Variants in CAMSAP1 observed in about 807,000 individuals in gnomAD.
CAMSAP1 encodes the protein calmodulin-regulated spectrin-associated protein 1.
In CAMSAP1, 58 loss-of-function variants were observed where a neutral mutation model predicts 143.5. The ratio of observed to expected loss-of-function variants is 0.40; its 90% confidence interval spans 0.33 to 0.50. The LOEUF (loss-of-function observed/expected upper bound fraction) is 0.50, where lower values mean the gene tolerates loss of function less well. Ranked by LOEUF, CAMSAP1 falls within the 20% of genes least tolerant of loss-of-function variation. The probability of loss-of-function intolerance (pLI) is 0.45; values close to 1 mark genes in which losing one functional copy is unlikely to be tolerated. For missense variants in CAMSAP1, 1,969 were observed against 2,115.7 expected (o/e 0.93, Z 1.36); for synonymous variants, 945 against 859.3 (o/e 1.10, Z -1.74).
At chr9:135,833,029 AC>A (rs148854858) in intron 7 of CAMSAP1, among the ~76,000 whole-genome samples, 21,084 of 151,482 alleles carry the variant, frequency 0.14, 1,650 homozygotes, top group Non-Finnish European at 0.17. Context: ...AGAAAAACAA[AC>A]CTAAAATCTG....
At chr9:135,903,328 A>G (rs1168534740) in intron 1 of CAMSAP1, among the ~76,000 whole-genome samples, 1 of 152,256 alleles carries the variant, frequency 6.6e-6, no homozygotes, top group African/African-American at 2.4e-5. Flanking sequence ...TGTCCAATAC[A>G]TTATTTCTTT....
chr9:135,827,582 T>C lies in CAMSAP1; in HGVS notation c.1048A>G (p.Lys350Glu). 6.4e-7 allele frequency: 1 copy of C among 1,562,514 alleles called. No individual in the cohort carries two copies. Among genetic ancestry groups the C allele is most frequent in the South Asian group, 1.2e-5 (1 of 86,208 alleles). The change falls in exon 8 of 17, where the codon AAA becomes GAA. Residue 350 changes from lysine to glutamate, a missense_variant and splice_region_variant. Transcript: ENST00000389532. ...PRDVQELKDAKTVLHQKSSRP... is the reference protein window; with the variant it reads ...PRDVQELKDAETVLHQKSSRP... ...CTGCTCTTCTGGTGTAACACTGTTT[T>C]CGCTGCAGAAATAGCGTTTTTGCAT... is the stretch of plus-strand genomic sequence containing the variant.
intron 7 of CAMSAP1, among the ~76,000 whole-genome samples, chr9:135,837,565 G>T (rs183304919): frequency 2.1e-5 from 3 of 142,110 alleles, no homozygotes; most frequent in Non-Finnish European, 4.5e-5. Context: ...ACATCATCAC[G>T]CACTTTCTAC....
At chr9:135,884,290 A>G (rs1838054092) in intron 1 of CAMSAP1, among the ~76,000 whole-genome samples, 1 of 152,128 alleles carries the variant, frequency 6.6e-6, no homozygotes, top group Non-Finnish European at 1.5e-5. Flanking sequence ...TTGTGTTCCG[A>G]GCCAAGCTCT....
intron 4 of CAMSAP1, chr9:135,865,490 C>A: frequency 1.2e-6 from 1 of 858,480 alleles, no homozygotes; most frequent in Non-Finnish European, 1.8e-6. Context: ...CTCTGGTAAG[C>A]AAAGTCTTCT....
In CAMSAP1 at chr9:135,907,467, G is replaced by A. The variant is rs1436502071; in HGVS notation, c.-308C>T. Reference sequence around the variant, plus strand: ...GGGCGGGAGCGGGCCGGGGGCGGTGGCAGCGCGTGCGCGGTCCCGGGTGAG... The same window carrying A: ...GGGCGGGAGCGGGCCGGGGGCGGTGACAGCGCGTGCGCGGTCCCGGGTGAG... On this transcript the variant is annotated 5_prime_UTR_variant, in exon 1 of 17. Coordinates refer to ENST00000389532, the MANE Select transcript of CAMSAP1 (RefSeq NM_015447.4). 2.7e-5 allele frequency among the ~76,000 whole-genome samples: 4 copies of A among 146,678 alleles called. No individual in the cohort carries two copies. In the South Asian group the frequency reaches 8.3e-4, roughly 31 times the overall value.
chr9:135,825,686 G>A (rs1387815223), intron 8 of CAMSAP1, among the ~76,000 whole-genome samples: 1 of 152,192 alleles, frequency 6.6e-6, no homozygotes, highest in Non-Finnish European at 1.5e-5. Flanking sequence ...CGCTCACACT[G>A]CAGGGCAGCT....
Position 135,821,080 on chromosome 9 carries a change from T to G in CAMSAP1, c.3581A>C (p.Gln1194Pro). 6.2e-7 allele frequency: 1 copy of G among 1,614,026 alleles called. No homozygotes were observed. The highest frequency in any genetic ancestry group is 8.5e-7 in the Non-Finnish European group (1 of 1,179,896). ...SSKDANILSE[Q>P]MSLKEVLDAS... ...ATCCAGAACTTCTTTGAGGCTCATC[T>G]GCTCCGAAAGAATGTTGGCATCTTT... The change falls in exon 11 of 17, where the codon CAG becomes CCG. Residue 1194 changes from glutamine to proline, a missense_variant. By Grantham distance (76) the Gln-to-Pro change is moderately conservative. This residue lies in a region of CAMSAP1 where 1,390 missense variants were observed against 1,420.8 expected (regional missense o/e 0.98). Coordinates refer to ENST00000389532, the MANE Select transcript of CAMSAP1 (RefSeq NM_015447.4). This position sits in a 1 kb window ranked among gnomAD's most constrained non-coding sequence, Gnocchi z 4.6.
intron 1 of CAMSAP1, among the ~76,000 whole-genome samples, chr9:135,890,480 AAAG>A (rs1838257856): frequency 6.6e-6 from 1 of 152,080 alleles, no homozygotes; most frequent in South Asian, 2.1e-4. Context: ...GAGAGGTGGT[AAAG>A]ACGGCAGGCT....
At chr9:135,899,027 C>T (rs1838537624) in intron 1 of CAMSAP1, among the ~76,000 whole-genome samples, 1 of 152,170 alleles carries the variant, frequency 6.6e-6, no homozygotes, top group Admixed American at 6.5e-5. Context: ...CAAAAAAGAT[C>T]TACACAACAT....
intron 3 of CAMSAP1, among the ~76,000 whole-genome samples, chr9:135,877,214 G>C (rs1837782112): frequency 6.6e-6 from 1 of 151,804 alleles, no homozygotes; most frequent in Admixed American, 6.6e-5. Flanking sequence ...GAAACACTTT[G>C]TTCACTGAAA....
At chr9:135,871,769 A>C (rs1225704770) in intron 3 of CAMSAP1, among the ~76,000 whole-genome samples, 3 of 151,668 alleles carry the variant, frequency 2.0e-5, no homozygotes, top group Admixed American at 1.3e-4. Context: ...GCTCTATCAA[A>C]AAAAAAAAAG....
In CAMSAP1 at chr9:135,811,640, C is replaced by G. The variant is rs1485365993; in HGVS notation, c.4507-29G>C. On this transcript the variant is annotated intron_variant, in intron 16 of 16. Transcript: ENST00000389532. This position sits in a 1 kb window ranked among gnomAD's most constrained non-coding sequence, Gnocchi z 4.9. ...TGCAGAGAGAGAAAAGGGGAAGAGA[C>G]AAACACTTCAGGGCCACTCCAATTG... 1.3e-6 allele frequency: 2 copies of G among 1,555,552 alleles called. No individual in the cohort carries two copies. Among genetic ancestry groups the G allele is most frequent in the Non-Finnish European group, 1.7e-6 (2 of 1,148,366 alleles).
At chr9:135,862,234 G>C (rs549024364) in intron 5 of CAMSAP1, among the ~76,000 whole-genome samples, 1 of 150,742 alleles carries the variant, frequency 6.6e-6, no homozygotes, top group African/African-American at 2.4e-5. Flanking sequence ...CCACAGGCGT[G>C]TGCCACCACA....
chr9:135,858,526 C>T (rs1480239504), intron 5 of CAMSAP1, among the ~76,000 whole-genome samples: 4 of 152,204 alleles, frequency 2.6e-5, no homozygotes, highest in Non-Finnish European at 5.9e-5. Context: ...CCTTCTCTGG[C>T]TTCCAGGCAC....
At chr9:135,886,838 C>T (rs942470360) in intron 1 of CAMSAP1, among the ~76,000 whole-genome samples, 9 of 152,314 alleles carry the variant, frequency 5.9e-5, no homozygotes, top group African/African-American at 2.2e-4. Flanking sequence ...GCCCAGGAGG[C>T]GTGAGCAGCA....
At position 135,811,892 on chromosome 9, in the gene CAMSAP1, G is replaced by C. The variant is rs774646313; in HGVS notation, c.4507-281C>G. ...AAAAGATGCTCATCATCAGCCACCAGAGAAATGCCAGTCAGAAAGAGACGT... is the reference window on the plus strand; with the variant it reads ...AAAAGATGCTCATCATCAGCCACCACAGAAATGCCAGTCAGAAAGAGACGT... On this transcript the variant is annotated intron_variant, in intron 16 of 16. Coordinates refer to ENST00000389532, the MANE Select transcript of CAMSAP1 (RefSeq NM_015447.4). This position sits in a 1 kb window ranked among gnomAD's most constrained non-coding sequence, Gnocchi z 4.9. Among the ~76,000 whole-genome samples the C allele has an allele frequency of 1.3e-5, 2 of 152,230 alleles. No individual in the cohort carries two copies. The highest frequency in any genetic ancestry group is 1.9e-4 in the East Asian group (1 of 5,192).
rs369711971 is a variant in CAMSAP1 at position 135,811,306 on chromosome 9, G to A, written c.*3C>T. 1.9e-5 allele frequency: 31 copies of A among 1,610,914 alleles called. No homozygotes were observed. The Middle Eastern group carries it at 9.9e-4, about 51-fold the overall frequency. On this transcript the variant is annotated 3_prime_UTR_variant, in exon 17 of 17. Coordinates refer to ENST00000389532, the MANE Select transcript of CAMSAP1 (RefSeq NM_015447.4). This position sits in a 1 kb window ranked among gnomAD's most constrained non-coding sequence, Gnocchi z 4.9. ...CACCCTTTGGACGCCAGCTGCACCG[G>A]GGTCATTTACGAGTCTGGGCCTTCT...
Position 135,907,241 on chromosome 9 carries a change from G to A in CAMSAP1, c.-82C>T. 18 of 906,348 alleles carry A rather than the reference G, an allele frequency of 2.0e-5. No individual in the cohort carries two copies. Among genetic ancestry groups the A allele is most frequent in the Non-Finnish European group, 2.4e-5 (18 of 753,156 alleles). 56.1% of individuals were successfully genotyped at this position (906,348 alleles called of 1,614,324 possible). On this transcript the variant is annotated 5_prime_UTR_variant, in exon 1 of 17. Coordinates refer to ENST00000389532, the MANE Select transcript of CAMSAP1 (RefSeq NM_015447.4). ...CGCCGCGCCGGGCCCGGTGCGCCCC[G>A]AGCCACCACTCGGCCCCGCAGCCGG...
Sources: gnomAD v4.1 joint callset for allele counts (sites outside exome capture counted in the v4.1 genomes callset) on GRCh38, gnomAD v4.1.1 for gene constraint, gnomAD v4.1.1 regional missense constraint, Gnocchi (gnomAD v3.1) non-coding constraint, MANE v1.5 for transcripts, NCBI Gene and HGNC (gene_info 2026-07-23, HGNC 2026-07-21) for gene names.